SOX5: variants seen among roughly 807,000 people sequenced by gnomAD.
SOX5 encodes the protein SRY-box transcription factor 5, also known as transcription factor SOX-5.
In SOX5, 9 loss-of-function variants were observed where a neutral mutation model predicts 92.0. That is an observed-to-expected ratio of 0.10 (90% CI 0.06 to 0.17). The LOEUF is 0.17. SOX5 is among the 10% of genes least tolerant of loss of function. The pLI is 1.00. For synonymous variants in SOX5, 344 were observed against 336.3 expected (o/e 1.02, Z -0.25); for missense variants, 642 against 944.5 (o/e 0.68, Z 4.20).
intron 4 of SOX5, among the ~76,000 whole-genome samples, chr12:24,044,499 C>G (rs1162212785): frequency 6.6e-6 from 1 of 152,174 alleles, no homozygotes. Flanking sequence ...GTATGTTTAT[C>G]TATTGTCATT....
intron 1 of SOX5, among the ~76,000 whole-genome samples, chr12:24,547,741 TACTC>T (rs1952784633): frequency 1.3e-5 from 2 of 152,318 alleles, no homozygotes; most frequent in East Asian, 3.9e-4. Flanking sequence ...GCTCTCAAAA[TACTC>T]TATCTGGGTT....
chr12:24,431,326 C>G (rs1291824138), intron 1 of SOX5, among the ~76,000 whole-genome samples: 1 of 152,194 alleles, frequency 6.6e-6, no homozygotes, highest in Non-Finnish European at 1.5e-5. Flanking sequence ...TCTATTACAA[C>G]TATCTAGTAA....
intron 4 of SOX5, among the ~76,000 whole-genome samples, chr12:23,957,031 C>G (rs1946367192): frequency 6.6e-6 from 1 of 152,182 alleles, no homozygotes; most frequent in South Asian, 2.1e-4. Flanking sequence ...TTACAAACTT[C>G]TGTTTCTATA....
At chr12:23,657,795 C>T (rs1233082337) in intron 7 of SOX5, among the ~76,000 whole-genome samples, 2 of 152,192 alleles carry the variant, frequency 1.3e-5, no homozygotes, top group South Asian at 2.1e-4. Flanking sequence ...CCATTAATCA[C>T]TCTTTCCATC....
At chr12:24,451,602 T>C (rs1386357245) in intron 1 of SOX5, among the ~76,000 whole-genome samples, 1 of 152,202 alleles carries the variant, frequency 6.6e-6, no homozygotes, top group African/African-American at 2.4e-5. Context: ...ATATCTAATA[T>C]TAACTCTTCA....
At chr12:24,311,435 A>G (rs777598971) in intron 2 of SOX5, among the ~76,000 whole-genome samples, 9 of 152,062 alleles carry the variant, frequency 5.9e-5, no homozygotes, top group Non-Finnish European at 1.0e-4. Context: ...AGTTAAATAT[A>G]TTATTTTTTG....
chr12:24,377,097 C>A (rs2136320609), intron 1 of SOX5, among the ~76,000 whole-genome samples: 2 of 152,262 alleles, frequency 1.3e-5, no homozygotes, highest in South Asian at 4.1e-4. Context: ...CCGCATCATT[C>A]ATCTGACTGA....
At chr12:23,790,543 A>C (rs10771031) in intron 3 of SOX5, among the ~76,000 whole-genome samples, 3,179 of 48,544 alleles carry the variant, frequency 0.065, 76 homozygotes, top group African/African-American at 0.16. Context: ...CTCTCTCTCA[A>C]TCTCTCACAC....
At chr12:24,541,300 C>A (rs1201342996) in intron 1 of SOX5, among the ~76,000 whole-genome samples, 1 of 152,122 alleles carries the variant, frequency 6.6e-6, no homozygotes, top group Admixed American at 6.5e-5. Flanking sequence ...AAAGCTGCTC[C>A]TTTATTATTG....
At chr12:24,447,750 G>A (rs544166341) in intron 1 of SOX5, among the ~76,000 whole-genome samples, 1 of 152,274 alleles carries the variant, frequency 6.6e-6, no homozygotes, top group South Asian at 2.1e-4. Flanking sequence ...AAAGCAGAGA[G>A]GTCTTGTATT....
In SOX5 at chr12:24,257,862, C is replaced by T. The variant is rs973345247; in HGVS notation, c.-77+19354G>A. Among the ~76,000 whole-genome samples, 11 of 152,060 alleles carry T rather than the reference C, an allele frequency of 7.2e-5. 1 individual carries two copies. The highest frequency in any genetic ancestry group is 3.9e-4 in the Admixed American group (6 of 15,260). On this transcript the variant is annotated intron_variant, in intron 3 of 4. Transcript: ENST00000446891. The stretch of plus-strand genomic sequence containing the variant: ...TGTACAACTAGTGCCTCTGACAACA[C>T]GGTTTTATTTTCTTTTAAAGCCCCT...
chr12:23,693,786 TTC>T (rs2089322217), intron 6 of SOX5, among the ~76,000 whole-genome samples: 1 of 152,314 alleles, frequency 6.6e-6, no homozygotes, highest in African/African-American at 2.4e-5. Context: ...ATAGTTTTTA[TTC>T]TCTTTTATTT....
chr12:23,878,798 C>G (rs867789384), intron 2 of SOX5, among the ~76,000 whole-genome samples: 8 of 152,092 alleles, frequency 5.3e-5, no homozygotes, highest in Middle Eastern at 3.4e-3. Flanking sequence ...TACTGACTTT[C>G]CAAATATTAA....
At chr12:23,653,477 C>T (rs560058550) in intron 7 of SOX5, among the ~76,000 whole-genome samples, 5 of 152,120 alleles carry the variant, frequency 3.3e-5, no homozygotes, top group East Asian at 1.9e-4. Flanking sequence ...AAATATGATG[C>T]ATATCTGTAT....
Position 24,532,029 on chromosome 12 carries a change from C to T in SOX5, c.-251+30300G>A, listed in dbSNP as rs115041105. Among the ~76,000 whole-genome samples the T allele has an allele frequency of 7.8e-3, 1,182 of 152,210 alleles. 16 individuals carry two copies. Among genetic ancestry groups the T allele is most frequent in the African/African-American group, 0.027 (1,136 of 41,520 alleles). On this transcript the variant is annotated intron_variant, in intron 1 of 4. Transcript: ENST00000446891. ...GTTGGACAAAATGGTCAACTTTGTACGTAAGCCTAATGAAAGCAAATATCA... is the reference window on the plus strand; with the variant it reads ...GTTGGACAAAATGGTCAACTTTGTATGTAAGCCTAATGAAAGCAAATATCA...
chr12:24,068,945 G>A (rs1362747345), intron 4 of SOX5, among the ~76,000 whole-genome samples: 1 of 150,332 alleles, frequency 6.7e-6, no homozygotes, highest in African/African-American at 2.4e-5. Context: ...TTTTTATATA[G>A]TCCAAGGAGT....
chr12:23,719,472 A>G (rs4963712), intron 6 of SOX5, among the ~76,000 whole-genome samples: 106,337 of 152,020 alleles, frequency 0.7, 37,796 homozygotes, highest in East Asian at 0.8. Flanking sequence ...TTTGCCAAGC[A>G]TGGTGACTCA....
chr12:23,545,151 A>ATT (rs1942866660), intron 12 of SOX5, among the ~76,000 whole-genome samples: 1 of 152,222 alleles, frequency 6.6e-6, no homozygotes, highest in South Asian at 2.1e-4. Context: ...TGGTCTTAAA[A>ATT]GTAGAATTGG....
intron 6 of SOX5, among the ~76,000 whole-genome samples, chr12:23,698,547 CCTT>C (rs1421972439): frequency 1.3e-5 from 2 of 152,140 alleles, no homozygotes; most frequent in Non-Finnish European, 2.9e-5. Flanking sequence ...CCAATCATCT[CCTT>C]ATCATGCTCT....
Sources: allele counts gnomAD v4.1 joint callset (sites outside exome capture counted in the v4.1 genomes callset), GRCh38; gene constraint gnomAD v4.1.1; transcripts MANE v1.5; gene names NCBI Gene and HGNC (gene_info 2026-07-23, HGNC 2026-07-21).